MARCHF6: variants seen among roughly 807,000 people sequenced by gnomAD.
MARCHF6 encodes the protein membrane associated ring-CH-type finger 6, also known as E3 ubiquitin-protein ligase MARCHF6.
A neutral mutation model predicts 133.7 loss-of-function variants in MARCHF6; 31 were observed. The observed-to-expected ratio is 0.23, with a 90% confidence interval of 0.17 to 0.31. MARCHF6 has a LOEUF of 0.31. MARCHF6 is among the 10% of genes least tolerant of loss of function. The pLI is 1.00. For synonymous variants in MARCHF6, 395 were observed against 402.5 expected, an observed-to-expected ratio of 0.98 and a Z score of 0.22; for missense variants, 723 against 1,121.6, an observed-to-expected ratio of 0.64 and a Z score of 5.08.
At chr5:10,360,144 GT>G (rs1164778520) in intron 1 of MARCHF6, among the ~76,000 whole-genome samples, 421 of 75,108 alleles carry the variant, frequency 5.6e-3, no homozygotes, top group African/African-American at 0.02. Flanking sequence ...ATGTGTGTGT[GT>G]TTTTTTTTTT....
chr5:10,404,072 T>C (rs201873090), intron 15 of MARCHF6, among the ~76,000 whole-genome samples: 113 of 85,866 alleles, frequency 1.3e-3, no homozygotes, highest in South Asian at 7.6e-3. Context: ...TATTTATTTA[T>C]TTATTTACTT....
At chr5:10,415,696 C>T (rs964906132) in intron 21 of MARCHF6, 27 bp downstream of exon 21, 3 of 1,550,744 alleles carry the variant, frequency 1.9e-6, no homozygotes, top group African/African-American at 1.4e-5. Context: ...CAAGACTGAT[C>T]TTGTATGTTA....
intron 1 of MARCHF6, among the ~76,000 whole-genome samples, chr5:10,359,760 T>G (rs1288470436): frequency 2.0e-5 from 3 of 152,130 alleles, no homozygotes; most frequent in Non-Finnish European, 4.4e-5. Flanking sequence ...ATCCCAGCAC[T>G]TTCGGAGGCG....
At position 10,353,732 on chromosome 5, in the gene MARCHF6, G is replaced by A. The variant is rs2126617306; in HGVS notation, c.-167G>A. ...CCCCCTCCCGTGTCGCTCGCTTTCT[G>A]TCAGCCTCTCTCCCTCTCCCTCTCC... On this transcript the variant is annotated 5_prime_UTR_variant, in exon 1 of 26. Transcript: ENST00000274140. 2.2e-6 allele frequency: 1 copy of A among 444,830 alleles called. No individual in the cohort carries two copies. Among genetic ancestry groups the A allele is most frequent in the Non-Finnish European group, 4.1e-6 (1 of 244,206 alleles). 27.6% of individuals were successfully genotyped at this position (444,830 alleles called of 1,614,324 possible).
chr5:10,428,339 T>G (rs867264678), intron 24 of MARCHF6, among the ~76,000 whole-genome samples: 4 of 139,278 alleles, frequency 2.9e-5, no homozygotes, highest in South Asian at 4.9e-4. Context: ...TAGTTTTTTT[T>G]TTTTTTTTTT....
At chr5:10,402,037 T>C (rs1426735948) in intron 11 of MARCHF6, 22 bp from the exon 12 acceptor site, 2 of 1,464,160 alleles carry the variant, frequency 1.4e-6, no homozygotes, top group Admixed American at 3.4e-5. Context: ...TTAAATTTTA[T>C]TTACTTTTTT....
intron 1 of MARCHF6, among the ~76,000 whole-genome samples, chr5:10,361,861 T>G (rs1185399227): frequency 6.6e-6 from 1 of 152,124 alleles, no homozygotes; most frequent in Non-Finnish European, 1.5e-5. Context: ...CCTCCTGGAT[T>G]CAAGGGATTC....
chr5:10,395,200 ATTACT>A (rs1201859683), intron 9 of MARCHF6, among the ~76,000 whole-genome samples: 4 of 152,204 alleles, frequency 2.6e-5, no homozygotes, highest in East Asian at 1.9e-4. Flanking sequence ...TTGGCTTTTA[ATTACT>A]TTATATGTTG....
At chr5:10,380,959 TG>T (rs1561112392) in intron 3 of MARCHF6, among the ~76,000 whole-genome samples, 1 of 152,110 alleles carries the variant, frequency 6.6e-6, no homozygotes, top group Non-Finnish European at 1.5e-5. Flanking sequence ...ATTTGTCAGT[TG>T]TTTATTTCTC....
Position 10,433,794 on chromosome 5 carries a change from T to A in MARCHF6, c.*110T>A. 1 of 863,330 alleles carries A rather than the reference T, an allele frequency of 1.2e-6. No individual in the cohort carries two copies. The highest frequency in any genetic ancestry group is 1.9e-6 in the Non-Finnish European group (1 of 525,484). 53.5% of individuals were successfully genotyped at this position (863,330 alleles called of 1,614,324 possible). On this transcript the variant is annotated 3_prime_UTR_variant, in exon 26 of 26. Coordinates refer to ENST00000274140, the MANE Select transcript of MARCHF6 (RefSeq NM_005885.4). ...CTCAGCGTTGTTTTTAAGTTAAATGTATTTGACTTGTGTTCTCAGCATTCA... is the reference window on the plus strand; with the variant it reads ...CTCAGCGTTGTTTTTAAGTTAAATGAATTTGACTTGTGTTCTCAGCATTCA...
At chr5:10,361,732 T>C (rs1460080483) in intron 1 of MARCHF6, among the ~76,000 whole-genome samples, 2 of 152,136 alleles carry the variant, frequency 1.3e-5, no homozygotes, top group Non-Finnish European at 2.9e-5. Flanking sequence ...GCATTCCCTG[T>C]ACACTTATTT....
At chr5:10,382,012 T>C (rs892672949) in intron 4 of MARCHF6, 69 bp downstream of exon 4, 2 of 1,376,792 alleles carry the variant, frequency 1.5e-6, no homozygotes, top group African/African-American at 2.9e-5. Flanking sequence ...TAAAGCAATA[T>C]TGCATCATAT....
chr5:10,385,208 G>A (rs1346778359), intron 4 of MARCHF6, among the ~76,000 whole-genome samples: 1 of 152,228 alleles, frequency 6.6e-6, no homozygotes. Context: ...AAGCTTGAGG[G>A]AGCCTTCTGG....
intron 4 of MARCHF6, among the ~76,000 whole-genome samples, chr5:10,384,472 T>TTCTGAAA (rs1653356740): frequency 6.6e-6 from 1 of 152,150 alleles, no homozygotes; most frequent in South Asian, 2.1e-4. Context: ...TGAACAGGTA[T>TTCTGAAA]TTCTGGAAAA....
In MARCHF6 at chr5:10,435,034, A is replaced by G. The variant is rs1020955685; in HGVS notation, c.*1350A>G. The G allele has an allele frequency of 5.2e-5, 8 of 152,662 alleles. No individual in the cohort carries two copies. The highest frequency in any genetic ancestry group is 1.7e-4 in the African/African-American group (7 of 41,466). The allele number at this position is 152,662 out of a possible 1,614,324, so 9.5% of individuals were successfully genotyped here. A position where few individuals can be genotyped will look rare whatever the true frequency, so the allele number is the denominator to read the frequency against. On this transcript the variant is annotated 3_prime_UTR_variant, in exon 26 of 26. Coordinates refer to ENST00000274140, the MANE Select transcript of MARCHF6 (RefSeq NM_005885.4). Reference sequence around the variant, plus strand: ...ATGTTTAATGCTAAAGGTATATCGTAAGGGTAGTGTTTGTTTTTGAACGAT... The same window carrying G: ...ATGTTTAATGCTAAAGGTATATCGTGAGGGTAGTGTTTGTTTTTGAACGAT...
At position 10,363,879 on chromosome 5, in the gene MARCHF6, A is replaced by G. The variant is rs999242637; in HGVS notation, c.19+9962A>G. ...AAAAGAACATATTTTCTATGATCCT[A>G]TTTGTGTGAAATGTCCAGAATAGGC... On this transcript the variant is annotated intron_variant, in intron 1 of 25. Coordinates refer to ENST00000274140, the MANE Select transcript of MARCHF6 (RefSeq NM_005885.4). Among the ~76,000 whole-genome samples, 2 of 152,208 alleles carry G rather than the reference A, an allele frequency of 1.3e-5. 1 individual carries two copies. Among genetic ancestry groups the G allele is most frequent in the African/African-American group, 4.8e-5 (2 of 41,442 alleles).
At chr5:10,368,115 C>A (rs1736245007) in intron 1 of MARCHF6, among the ~76,000 whole-genome samples, 1 of 152,162 alleles carries the variant, frequency 6.6e-6, no homozygotes, top group Admixed American at 6.5e-5. Context: ...AGACTTCACT[C>A]TTTTTGTAGC....
intron 1 of MARCHF6, among the ~76,000 whole-genome samples, chr5:10,368,088 T>G (rs926071268): frequency 6.6e-6 from 1 of 152,218 alleles, no homozygotes; most frequent in Admixed American, 6.5e-5. Context: ...TAAAGGACTT[T>G]AAGCTGAGCC....
intron 15 of MARCHF6, 25 bp from the exon 16 acceptor site, chr5:10,405,533 C>T (rs1224924731): frequency 1.5e-5 from 24 of 1,570,260 alleles, no homozygotes; most frequent in Non-Finnish European, 2.0e-5. Flanking sequence ...GGTGAATATT[C>T]ATAGTATTTA....
Sources: gnomAD v4.1 joint callset for allele counts (sites outside exome capture counted in the v4.1 genomes callset) on GRCh38, gnomAD v4.1.1 for gene constraint, MANE v1.5 for transcripts, NCBI Gene and HGNC (gene_info 2026-07-23, HGNC 2026-07-21) for gene names.